RAD23B: variants seen among roughly 807,000 people sequenced by gnomAD.
The protein encoded by RAD23B is RAD23 nucleotide excision repair protein B.
A neutral mutation model predicts 49.1 loss-of-function variants in RAD23B; 5 were observed. The ratio of observed to expected loss-of-function variants is 0.10; its 90% CI spans 0.05 to 0.21. The LOEUF (loss-of-function observed/expected upper bound fraction) is 0.21, where lower values mean the gene tolerates loss of function less well. Among genes scored for constraint, RAD23B ranks in the 10% least tolerant of loss-of-function variants. RAD23B has a pLI of 1.00. For synonymous variants in RAD23B, 184 were observed against 165.4 expected (o/e 1.11, Z -0.86); for missense variants, 356 against 486.7 (o/e 0.73, Z 2.53).
In RAD23B at chr9:107,332,065, C is replaced by T. The variant is rs1476763570; in HGVS notation, c.*2409C>T. 1 of 297,268 alleles carries T rather than the reference C, an allele frequency of 3.4e-6. No homozygotes were observed. 18.4% of individuals were successfully genotyped at this position (297,268 alleles called of 1,614,324 possible). On this transcript the variant is annotated 3_prime_UTR_variant, in exon 10 of 10. Transcript: ENST00000358015. ...AGCCTAAGTTTGTATTTGTAAATTT[C>T]TTATGCCATCCTCTAGTCAAATTTT...
In RAD23B at chr9:107,318,468, A is replaced by G. The variant is rs1827038490; in HGVS notation, c.554-284A>G. On this transcript the variant is annotated intron_variant, in intron 5 of 9. Transcript: ENST00000358015. The surrounding 1 kb of genome is among the most constrained non-coding windows in gnomAD (Gnocchi z 4.3). ...CACTGGACCCACCTGGATAATCCAG[A>G]ATGAGGTCTCTGTCTTAAAGTCAGC... is the stretch of plus-strand genomic sequence containing the variant. Among the ~76,000 whole-genome samples the G allele has an allele frequency of 6.6e-6, 1 of 152,182 alleles. No individual in the cohort carries two copies. The highest frequency in any genetic ancestry group is 2.1e-4 in the South Asian group (1 of 4,834).
chr9:107,301,995 A>G, intron 2 of RAD23B, 40 bp from the exon 3 acceptor site: 3 of 1,602,430 alleles, frequency 1.9e-6, no homozygotes, highest in Non-Finnish European at 2.5e-6. Flanking sequence ...TAAGAGAAAG[A>G]TTATGCCTTA....
Position 107,306,401 on chromosome 9 carries a change from C to T in RAD23B, c.251C>T (p.Ala84Val). The T allele has an allele frequency of 6.2e-7, 1 of 1,614,074 alleles. No individual in the cohort carries two copies. The highest frequency in any genetic ancestry group is 8.5e-7 in the Non-Finnish European group (1 of 1,179,990). The part of the protein sequence containing the change: ...VTKPKAVSTP[A>V]PATTQQSAPA... ...TAGCCCAAAGCAGTGTCCACACCAG[C>T]ACCAGCTACAACTCAGCAGTCAGCT... is the stretch of plus-strand genomic sequence containing the variant. The change falls in exon 4 of 10, where the codon GCA becomes GTA. Residue 84 changes from alanine to valine, a missense_variant. By Grantham distance (64) the Ala-to-Val change is moderately conservative. Coordinates refer to ENST00000358015, the MANE Select transcript of RAD23B (RefSeq NM_002874.5).
At position 107,316,546 on chromosome 9, in the gene RAD23B, T is replaced by C. The variant is rs573612971; in HGVS notation, c.554-2206T>C. Among the ~76,000 whole-genome samples, 42 of 152,252 alleles carry C rather than the reference T, an allele frequency of 2.8e-4. 1 individual carries two copies. The highest frequency in any genetic ancestry group is 9.9e-4 in the African/African-American group (41 of 41,548). On this transcript the variant is annotated intron_variant, in intron 5 of 9. Transcript: ENST00000358015. ...TGAGTTGCTTTGTGCTCGAATTATA[T>C]CAGTAGATAAGAAAATAAATAATTA... is the stretch of plus-strand genomic sequence containing the variant.
intron 1 of RAD23B, among the ~76,000 whole-genome samples, chr9:107,298,713 CTT>C (rs1441488470): frequency 6.6e-6 from 1 of 151,182 alleles, no homozygotes; most frequent in Non-Finnish European, 1.5e-5. Context: ...TAAATATAAA[CTT>C]ATTATAATAA....
chr9:107,301,957 C>A, intron 2 of RAD23B, 78 bp from the exon 3 acceptor site: 9 of 1,510,024 alleles, frequency 6.0e-6, no homozygotes, highest in Non-Finnish European at 8.0e-6. Flanking sequence ...ATTCATATTT[C>A]GAGTAGAAAG....
At chr9:107,288,401 A>T (rs572101624) in intron 1 of RAD23B, among the ~76,000 whole-genome samples, 1 of 152,240 alleles carries the variant, frequency 6.6e-6, no homozygotes, top group African/African-American at 2.4e-5. Context: ...TTGAAATAGG[A>T]TAAAGTATTT....
chr9:107,291,406 G>T (rs1185014693), intron 1 of RAD23B, among the ~76,000 whole-genome samples: 1 of 152,038 alleles, frequency 6.6e-6, no homozygotes, highest in Non-Finnish European at 1.5e-5. Flanking sequence ...AATGGGTTTT[G>T]GATTTCAAAT....
intron 1 of RAD23B, among the ~76,000 whole-genome samples, chr9:107,297,513 G>T (rs1036982399): frequency 6.6e-6 from 1 of 151,796 alleles, no homozygotes; most frequent in Admixed American, 6.6e-5. Flanking sequence ...GCTAATTTTT[G>T]TATTTTTAGT....
chr9:107,283,582 C>T lies in RAD23B; in HGVS notation c.-48C>T, dbSNP rs866642042. 1 of 1,428,108 alleles carries T rather than the reference C, an allele frequency of 7.0e-7. No homozygotes were observed. Among genetic ancestry groups the T allele is most frequent in the Non-Finnish European group, 9.3e-7 (1 of 1,074,270 alleles). 88.5% of individuals were successfully genotyped at this position (1,428,108 alleles called of 1,614,324 possible). On this transcript the variant is annotated 5_prime_UTR_variant, in exon 1 of 10. Transcript: ENST00000358015. ...CCGCCAGGCCACAGACCCCGCCCAG[C>T]GGCCAGCACCCGGCGCAGGCCCGGC...
chr9:107,324,084 G>A (rs1385709370), intron 8 of RAD23B, 67 bp downstream of exon 8: 8 of 1,514,152 alleles, frequency 5.3e-6, no homozygotes, highest in East Asian at 2.3e-5. Context: ...GTCCATGAAC[G>A]GTCCTTCCCC....
At chr9:107,312,905 G>A (rs1187302171) in intron 5 of RAD23B, among the ~76,000 whole-genome samples, 4 of 152,066 alleles carry the variant, frequency 2.6e-5, no homozygotes, top group African/African-American at 7.2e-5. Context: ...CTGAGTTCCC[G>A]GGAGCCTGGG....
intron 2 of RAD23B, among the ~76,000 whole-genome samples, chr9:107,300,998 T>G (rs1197121007): frequency 6.6e-6 from 1 of 152,208 alleles, no homozygotes; most frequent in African/African-American, 2.4e-5. Context: ...TCCAGTTTCT[T>G]GTTTTGGCCT....
In RAD23B at chr9:107,283,289, G is replaced by C; in HGVS notation, c.-341G>C. The C allele has an allele frequency of 2.5e-6, 1 of 403,284 alleles. No individual in the cohort carries two copies. The allele number at this position is 403,284 out of a possible 1,614,324, so 25.0% of individuals were successfully genotyped here. A position where few individuals can be genotyped will look rare whatever the true frequency, so the allele number is the denominator to read the frequency against. ...GGGGCACGTCTCGGCGAGTCACGAT[G>C]ATGGCGGCCACCATCCTGTGGTGAG... is the stretch of plus-strand genomic sequence containing the variant. On this transcript the variant is annotated 5_prime_UTR_variant, in exon 1 of 10. The change abolishes an upstream ATG in the 5' untranslated region. Coordinates refer to ENST00000358015, the MANE Select transcript of RAD23B (RefSeq NM_002874.5).
chr9:107,283,732 C>T, intron 1 of RAD23B, 37 bp downstream of exon 1: 7 of 1,399,240 alleles, frequency 5.0e-6, no homozygotes, highest in South Asian at 3.1e-5. Flanking sequence ...CAGCCGCGTG[C>T]GGGCCGCGGG....
intron 1 of RAD23B, among the ~76,000 whole-genome samples, chr9:107,290,770 C>A (rs1833368062): frequency 6.6e-6 from 1 of 152,066 alleles, no homozygotes; most frequent in African/African-American, 2.4e-5. Flanking sequence ...TTTCACTATT[C>A]TTTCTTTAAA....
intron 1 of RAD23B, among the ~76,000 whole-genome samples, chr9:107,284,498 A>C (rs1013797988): frequency 6.6e-6 from 1 of 152,142 alleles, no homozygotes; most frequent in African/African-American, 2.4e-5. Flanking sequence ...AGAAAAAAAA[A>C]ACAAAAAACA....
chr9:107,296,156 A>T (rs1006605891), intron 1 of RAD23B, among the ~76,000 whole-genome samples: 10 of 152,184 alleles, frequency 6.6e-5, no homozygotes, highest in African/African-American at 2.2e-4. Flanking sequence ...TGTTCAAGGT[A>T]AGGAACAATG....
chr9:107,309,299 A>G lies in RAD23B; in HGVS notation c.498-2383A>G, dbSNP rs58733970. On this transcript the variant is annotated intron_variant, in intron 4 of 9. Transcript: ENST00000358015. ...ACTTTGTAAAATTTGAGAAACCCTGATAGCTGATACTACAAGACAGTTAAA... is the reference window on the plus strand; with the variant it reads ...ACTTTGTAAAATTTGAGAAACCCTGGTAGCTGATACTACAAGACAGTTAAA... Among the ~76,000 whole-genome samples, 752 of 152,344 alleles carry G rather than the reference A, an allele frequency of 4.9e-3. 7 individuals are homozygous for G. The highest frequency in any genetic ancestry group is 0.017 in the African/African-American group (721 of 41,580).
Sources: allele counts gnomAD v4.1 joint callset (sites outside exome capture counted in the v4.1 genomes callset), GRCh38; gene constraint gnomAD v4.1.1; non-coding constraint Gnocchi (gnomAD v3.1); transcripts MANE v1.5; gene names NCBI Gene and HGNC (gene_info 2026-07-23, HGNC 2026-07-21).